Variants in TMEM236 observed in about 807,000 individuals in gnomAD.
TMEM236 encodes the protein family with sequence similarity 23, member A.
TMEM236 carries 11 observed loss-of-function variants against 14.7 expected under a neutral mutation model. That is an observed-to-expected ratio of 0.75 (90% confidence interval 0.47 to 1.24). The LOEUF (loss-of-function observed/expected upper bound fraction) is 1.24. Among genes scored for constraint, TMEM236 ranks in the 50% most tolerant of loss-of-function variants. The pLI, the probability that TMEM236 is intolerant of heterozygous loss-of-function variation, is 0.00. For missense variants in TMEM236, 464 were observed against 427.3 expected, an observed-to-expected ratio of 1.09 and a Z score of -0.76; for synonymous variants, 182 against 168.6, an observed-to-expected ratio of 1.08 and a Z score of -0.62.
intron 3 of TMEM236, among the ~76,000 whole-genome samples, chr10:17,795,703 G>C (rs1157722678): frequency 1.3e-5 from 2 of 152,096 alleles, no homozygotes; most frequent in African/African-American, 4.8e-5. Flanking sequence ...TGGGTTGACA[G>C]GTGCAGCACG....
At chr10:17,752,601 CT>C in intron 1 of TMEM236, 49 bp downstream of exon 1, 1 of 1,585,692 alleles carries the variant, frequency 6.3e-7, no homozygotes, top group Non-Finnish European at 8.7e-7. Context: ...GAGTCTCGCT[CT>C]GTCACCCAGG....
At chr10:17,791,324 G>T (rs1455885395) in intron 3 of TMEM236, among the ~76,000 whole-genome samples, 1 of 151,518 alleles carries the variant, frequency 6.6e-6, no homozygotes, top group Admixed American at 6.6e-5. Flanking sequence ...CAGGTGTGGT[G>T]GTGCAAGCCT....
At chr10:17,794,864 C>T (rs1330346040) in intron 3 of TMEM236, among the ~76,000 whole-genome samples, 2 of 152,112 alleles carry the variant, frequency 1.3e-5, no homozygotes, top group South Asian at 2.1e-4. Flanking sequence ...ATGGAAACCC[C>T]GTCTCTACTA....
chr10:17,753,541 C>A (rs1316021536), intron 1 of TMEM236, among the ~76,000 whole-genome samples: 1 of 152,128 alleles, frequency 6.6e-6, no homozygotes, highest in African/African-American at 2.4e-5. Context: ...AAGTAATGGC[C>A]TCCAGCTCCA....
Position 17,800,824 on chromosome 10 carries a change from T to C in TMEM236, c.*4320T>C, listed in dbSNP as rs1589157048. 1 of 152,350 alleles carries C rather than the reference T, an allele frequency of 6.6e-6. No individual in the cohort carries two copies. The highest frequency in any genetic ancestry group is 2.4e-5 in the African/African-American group (1 of 41,590). 9.4% of individuals were successfully genotyped at this position (152,350 alleles called of 1,614,324 possible). ...TGGCTAAAGACATTTTGTTTTACAA[T>C]GGGGCTGTTTTTACATGTTAATTAA... is the stretch of plus-strand genomic sequence containing the variant. On this transcript the variant is annotated 3_prime_UTR_variant, in exon 4 of 4. Transcript: ENST00000377495.
chr10:17,772,643 G>A (rs1357596860), intron 2 of TMEM236, among the ~76,000 whole-genome samples: 3 of 151,848 alleles, frequency 2.0e-5, no homozygotes, highest in African/African-American at 7.3e-5. Context: ...ACAGAAAAGT[G>A]CACGAAACAT....
intron 1 of TMEM236, among the ~76,000 whole-genome samples, chr10:17,764,835 C>T (rs1400955717): frequency 1.4e-5 from 1 of 72,134 alleles, no homozygotes; most frequent in Non-Finnish European, 3.2e-5. Flanking sequence ...TTCAGATTTT[C>T]CCTTTTTTTT....
intron 3 of TMEM236, among the ~76,000 whole-genome samples, chr10:17,792,519 A>G (rs1837943213): frequency 6.6e-6 from 1 of 152,222 alleles, no homozygotes; most frequent in Non-Finnish European, 1.5e-5. Context: ...ACTTTTGGAG[A>G]ACAAGTTAGA....
chr10:17,768,216 C>T (rs2131746766), intron 1 of TMEM236, among the ~76,000 whole-genome samples: 1 of 151,194 alleles, frequency 6.6e-6, no homozygotes, highest in African/African-American at 2.4e-5. Flanking sequence ...GCATGAGCCA[C>T]CAGGCCTGGC....
rs1404674110 is a variant in TMEM236 at position 17,798,988 on chromosome 10, A to G, written c.*2484A>G. 1 of 312,272 alleles carries G rather than the reference A, an allele frequency of 3.2e-6. No individual in the cohort carries two copies. Among genetic ancestry groups the G allele is most frequent in the African/African-American group, 2.2e-5 (1 of 45,942 alleles). 19.3% of individuals were successfully genotyped at this position (312,272 alleles called of 1,614,324 possible). A position where few individuals can be genotyped will look rare whatever the true frequency, so the allele number is the denominator to read the frequency against. Reference sequence around the variant, plus strand: ...TTCAACTTTGCATTTGTGAAAAATAATACATACAATCTTAAGGTTACTTCA... The same window carrying G: ...TTCAACTTTGCATTTGTGAAAAATAGTACATACAATCTTAAGGTTACTTCA... On this transcript the variant is annotated 3_prime_UTR_variant, in exon 4 of 4. Transcript: ENST00000377495.
intron 1 of TMEM236, among the ~76,000 whole-genome samples, chr10:17,755,621 T>C (rs1837273951): frequency 6.6e-6 from 1 of 152,118 alleles, no homozygotes; most frequent in Non-Finnish European, 1.5e-5. Context: ...AGGGGTAGCT[T>C]GGAGCTGGGC....
At chr10:17,758,602 A>G (rs1187524276) in intron 1 of TMEM236, among the ~76,000 whole-genome samples, 1 of 152,242 alleles carries the variant, frequency 6.6e-6, no homozygotes, top group East Asian at 1.9e-4. Context: ...AGTTCCTAGC[A>G]TAGCAACTGG....
chr10:17,792,368 G>A (rs1457035567), intron 3 of TMEM236, among the ~76,000 whole-genome samples: 4 of 152,160 alleles, frequency 2.6e-5, no homozygotes, highest in Non-Finnish European at 5.9e-5. Flanking sequence ...GATTACAGGC[G>A]TAAGCCACCG....
At chr10:17,753,216 G>A (rs1358545219) in intron 1 of TMEM236, among the ~76,000 whole-genome samples, 1 of 152,124 alleles carries the variant, frequency 6.6e-6, no homozygotes, top group Non-Finnish European at 1.5e-5. Context: ...CCTTAGCAGG[G>A]AATCCCCGTG....
chr10:17,796,292 T>G lies in TMEM236; in HGVS notation c.844T>G (p.Phe282Val). The change falls in exon 4 of 4, where the codon TTC becomes GTC. Residue 282 changes from phenylalanine to valine, a missense_variant. Coordinates refer to ENST00000377495, the MANE Select transcript of TMEM236 (RefSeq NM_001098844.3). ...FSFISLLRIT[F>V]TPQNPLLNSL... ...TTTTATTTCTCTCCTTCGAATTACA[T>G]TCACTCCCCAAAACCCTCTTCTCAA... 2 of 1,613,934 alleles carry G rather than the reference T, an allele frequency of 1.2e-6. No individual in the cohort carries two copies. Among genetic ancestry groups the G allele is most frequent in the Non-Finnish European group, 1.7e-6 (2 of 1,179,870 alleles).
At chr10:17,757,620 G>A (rs1363489357) in intron 1 of TMEM236, among the ~76,000 whole-genome samples, 1 of 148,760 alleles carries the variant, frequency 6.7e-6, no homozygotes, top group Non-Finnish European at 1.5e-5. Context: ...AAAAAGCTAT[G>A]TAATGGGGGA....
chr10:17,759,031 C>T (rs1401562982), intron 1 of TMEM236, among the ~76,000 whole-genome samples: 4 of 152,170 alleles, frequency 2.6e-5, no homozygotes, highest in Non-Finnish European at 5.9e-5. Context: ...TTAAAATGTA[C>T]TGGAGGCTGA....
chr10:17,782,636 G>C (rs1837771963), intron 3 of TMEM236, among the ~76,000 whole-genome samples: 1 of 151,964 alleles, frequency 6.6e-6, no homozygotes. Flanking sequence ...ATTTTTAGTA[G>C]AGACGGGATT....
intron 1 of TMEM236, among the ~76,000 whole-genome samples, chr10:17,766,787 G>C (rs971340112): frequency 6.6e-6 from 1 of 152,182 alleles, no homozygotes; most frequent in South Asian, 2.1e-4. Flanking sequence ...TCAAGATATT[G>C]GTAGGATTGC....
Sources: allele counts gnomAD v4.1 joint callset (sites outside exome capture counted in the v4.1 genomes callset), GRCh38; gene constraint gnomAD v4.1.1; transcripts MANE v1.5; gene names NCBI Gene and HGNC (gene_info 2026-07-23, HGNC 2026-07-21).